The following EYS variants were observed in gnomAD, a reference collection of about 807,000 sequenced individuals.
The protein encoded by EYS is protein eyes shut homolog.
A neutral mutation model predicts 282.1 loss-of-function variants in EYS; 250 were observed. That is an observed-to-expected ratio of 0.89 (90% CI 0.80 to 0.98). EYS has a LOEUF of 0.98. Ranked by LOEUF, EYS falls within the 50% of genes least tolerant of loss-of-function variation. The probability of loss-of-function intolerance (pLI) is 0.00; values close to 1 mark genes in which losing one functional copy is unlikely to be tolerated. For missense variants in EYS, 4,016 were observed against 3,709.0 expected, an observed-to-expected ratio of 1.08 and a Z score of -2.15; for synonymous variants, 1,355 against 1,282.9, an observed-to-expected ratio of 1.06 and a Z score of -1.20.
intron 5 of EYS, among the ~76,000 whole-genome samples, chr6:65,483,395 T>C (rs1056577722): frequency 7.2e-5 from 11 of 152,162 alleles, no homozygotes. Context: ...CCAAATGATA[T>C]GAATTCCAAA....
chr6:64,130,399 A>T (rs1056930394), intron 31 of EYS, among the ~76,000 whole-genome samples: 1 of 152,164 alleles, frequency 6.6e-6, no homozygotes, highest in African/African-American at 2.4e-5. Context: ...CAAATGCCGC[A>T]TGTTCTCACT....
At chr6:65,421,219 G>A (rs1053498865) in intron 5 of EYS, among the ~76,000 whole-genome samples, 4 of 151,634 alleles carry the variant, frequency 2.6e-5, no homozygotes, top group African/African-American at 9.7e-5. Flanking sequence ...ATGTTGTTTG[G>A]TATAACAACC....
chr6:65,212,236 A>C (rs559570787), intron 12 of EYS, among the ~76,000 whole-genome samples: 21 of 152,258 alleles, frequency 1.4e-4, no homozygotes, highest in African/African-American at 4.8e-4. Context: ...GAATACAAAC[A>C]AAATGATGAG....
Position 65,495,383 on chromosome 6 carries a change from T to C in EYS, c.28A>G (p.Ser10Gly), listed in dbSNP as rs749577223. 6.2e-7 allele frequency: 1 copy of C among 1,612,300 alleles called. No homozygotes were observed. Among genetic ancestry groups the C allele is most frequent in the Admixed American group, 1.7e-5 (1 of 60,016 alleles). ...AAAGAGCTGTGAAAAACCATCAGGC[T>C]CAGAATGACGATTGATTTGTCAGTC... The part of the protein sequence containing the change: MTDKSIVIL[S>G]LMVFHSSFIN... Residue 10 changes from serine (S) to glycine (G), a missense_variant, in exon 4 of 43, where the codon AGC becomes GGC. Physicochemically the swap from Ser to Gly is moderately conservative, Grantham distance 56 (BLOSUM62 0). Transcript: ENST00000503581.
intron 22 of EYS, among the ~76,000 whole-genome samples, chr6:64,685,125 T>C (rs528386694): frequency 1.3e-5 from 2 of 152,114 alleles, no homozygotes; most frequent in Non-Finnish European, 2.9e-5. Context: ...TTTGGCCTGA[T>C]TATAATAATA....
At chr6:64,706,344 A>G (rs1771015161) in intron 22 of EYS, among the ~76,000 whole-genome samples, 1 of 152,128 alleles carries the variant, frequency 6.6e-6, no homozygotes, top group Non-Finnish European at 1.5e-5. Context: ...TTTAAGATCT[A>G]ACATTATAAA....
chr6:64,550,428 TCTAA>T (rs1765035851), intron 26 of EYS, among the ~76,000 whole-genome samples: 1 of 152,160 alleles, frequency 6.6e-6, no homozygotes, highest in African/African-American at 2.4e-5. Flanking sequence ...TGATCGCCAT[TCTAA>T]CTGATATGAG....
At position 64,796,119 on chromosome 6, in the gene EYS, A is replaced by G. The variant is rs143733637; in HGVS notation, c.3443+17259T>C. Among the ~76,000 whole-genome samples, 190 of 152,346 alleles carry G rather than the reference A, an allele frequency of 1.2e-3. 1 individual carries two copies. The highest frequency in any genetic ancestry group is 4.4e-3 in the African/African-American group (183 of 41,598). ...TACATCTGGATGTTATTGAGGCAGT[A>G]CTGAAAGAAGACAATGCTTCTGAAA... On this transcript the variant is annotated intron_variant, in intron 22 of 42. Transcript: ENST00000503581.
At chr6:65,236,539 T>G (rs1766929312) in intron 12 of EYS, among the ~76,000 whole-genome samples, 1 of 151,782 alleles carries the variant, frequency 6.6e-6, no homozygotes, top group African/African-American at 2.4e-5. Flanking sequence ...ACCTGGGAGG[T>G]GGAGGTTGCA....
intron 36 of EYS, among the ~76,000 whole-genome samples, chr6:63,812,628 A>C (rs1030776546): frequency 2.0e-5 from 3 of 152,136 alleles, no homozygotes; most frequent in African/African-American, 7.2e-5. Context: ...GGTTGAATAC[A>C]TGTAAAAGGT....
At chr6:65,323,345 T>C (rs1001529900) in intron 11 of EYS, among the ~76,000 whole-genome samples, 2 of 148,272 alleles carry the variant, frequency 1.3e-5, no homozygotes, top group African/African-American at 5.0e-5. Flanking sequence ...CACATATTTA[T>C]AGTAATCAGT....
chr6:63,962,571 C>T (rs1322505512), intron 35 of EYS, among the ~76,000 whole-genome samples: 1 of 152,148 alleles, frequency 6.6e-6, no homozygotes, highest in African/African-American at 2.4e-5. Context: ...TACCATCTCA[C>T]ACCAGTTGGA....
chr6:63,939,726 A>G lies in EYS; in HGVS notation c.7055+44657T>C, dbSNP rs78681463. On this transcript the variant is annotated intron_variant, in intron 35 of 42. Transcript: ENST00000503581. ...ATATTGAAAAAAAACTAAGGAAAAG[A>G]TATGTCATAAATGCATAATACATAT... Among the ~76,000 whole-genome samples the G allele has an allele frequency of 3.3e-3, 498 of 152,310 alleles. 4 individuals are homozygous for G. In the East Asian group the frequency reaches 0.042, roughly 13 times the overall value.
At chr6:64,875,629 C>T (rs1484728387) in intron 19 of EYS, among the ~76,000 whole-genome samples, 1 of 152,040 alleles carries the variant, frequency 6.6e-6, no homozygotes, top group Non-Finnish European at 1.5e-5. Flanking sequence ...AGAAGAAACA[C>T]TGAACAACTA....
intron 12 of EYS, among the ~76,000 whole-genome samples, chr6:65,065,225 A>C (rs1773708877): frequency 6.6e-6 from 1 of 152,156 alleles, no homozygotes; most frequent in Non-Finnish European, 1.5e-5. Context: ...TGTCTTATAA[A>C]TTGAAAATTT....
At chr6:63,844,766 G>C (rs922604909) in intron 36 of EYS, among the ~76,000 whole-genome samples, 40 of 152,084 alleles carry the variant, frequency 2.6e-4, no homozygotes, top group African/African-American at 9.2e-4. Flanking sequence ...ATAGTCCTTT[G>C]TCAGATGGAT....
chr6:64,392,144 C>G (rs1266433695), intron 28 of EYS, among the ~76,000 whole-genome samples: 1 of 141,944 alleles, frequency 7.0e-6, no homozygotes, highest in Admixed American at 7.1e-5. Flanking sequence ...GAGTGACCTA[C>G]AAAGAGACTT....
intron 31 of EYS, among the ~76,000 whole-genome samples, chr6:64,159,182 A>G (rs1204466038): frequency 2.0e-5 from 3 of 152,182 alleles, no homozygotes; most frequent in Non-Finnish European, 4.4e-5. Flanking sequence ...ACATTAAATA[A>G]TCTCCAGATT....
intron 2 of EYS, among the ~76,000 whole-genome samples, chr6:65,604,309 T>C (rs1765708092): frequency 1.3e-5 from 2 of 151,996 alleles, no homozygotes; most frequent in Non-Finnish European, 2.9e-5. Context: ...TTGAATTAGA[T>C]ACCAGAAGAC....
Sources: allele counts gnomAD v4.1 joint callset (sites outside exome capture counted in the v4.1 genomes callset), GRCh38; gene constraint gnomAD v4.1.1; transcripts MANE v1.5; gene names NCBI Gene and HGNC (gene_info 2026-07-23, HGNC 2026-07-21).